Variants in CSMD1 observed in about 807,000 individuals in gnomAD.
CSMD1 encodes CUB and Sushi multiple domains 1, also known as CUB and sushi domain-containing protein 1.
Under a neutral mutation model 417.5 loss-of-function variants are expected in CSMD1, and 213 were observed. That is an observed-to-expected ratio of 0.51 (90% CI 0.46 to 0.57). The LOEUF is 0.57. CSMD1 is among the 20% of genes least tolerant of loss of function. The pLI is 0.00. For synonymous variants in CSMD1, 2,862 were observed against 1,736.8 expected, an observed-to-expected ratio of 1.65 and a Z score of -16.11; for missense variants, 6,923 against 4,529.7, an observed-to-expected ratio of 1.53 and a Z score of -15.17.
chr8:3,772,299 A>G (rs1026033746), intron 5 of CSMD1, among the ~76,000 whole-genome samples: 1 of 144,352 alleles, frequency 6.9e-6, no homozygotes, highest in South Asian at 2.1e-4. Flanking sequence ...ATACATATGT[A>G]CATATATTTA....
intron 11 of CSMD1, among the ~76,000 whole-genome samples, chr8:3,489,429 G>A (rs1342390093): frequency 6.6e-6 from 1 of 152,148 alleles, no homozygotes; most frequent in Non-Finnish European, 1.5e-5. Context: ...GAAATCCCCT[G>A]GTTACCAATG....
At chr8:4,323,933 C>T (rs1301322641) in intron 3 of CSMD1, among the ~76,000 whole-genome samples, 1 of 152,190 alleles carries the variant, frequency 6.6e-6, no homozygotes, top group Non-Finnish European at 1.5e-5. Context: ...GGTGTCCCAG[C>T]AACAGGCATT....
intron 37 of CSMD1, among the ~76,000 whole-genome samples, chr8:3,166,597 T>G (rs1172310094): frequency 6.6e-6 from 1 of 152,118 alleles, no homozygotes; most frequent in Non-Finnish European, 1.5e-5. Context: ...CCTGAAGTGT[T>G]TTAGAAGAAC....
At chr8:4,916,595 T>C (rs145242910) in intron 1 of CSMD1, among the ~76,000 whole-genome samples, 202 of 152,308 alleles carry the variant, frequency 1.3e-3, no homozygotes, top group African/African-American at 4.7e-3. Flanking sequence ...AAGTTGAAAA[T>C]ATCAGATCAT....
intron 3 of CSMD1, among the ~76,000 whole-genome samples, chr8:4,341,622 G>A (rs1309101900): frequency 1.3e-5 from 2 of 152,058 alleles, no homozygotes; most frequent in Non-Finnish European, 2.9e-5. Context: ...TGTAACTTAC[G>A]GAAAAATGTT....
At chr8:4,100,715 A>C (rs905303223) in intron 3 of CSMD1, among the ~76,000 whole-genome samples, 1 of 152,176 alleles carries the variant, frequency 6.6e-6, no homozygotes, top group African/African-American at 2.4e-5. Flanking sequence ...TTTTCCTCAT[A>C]AACTTCCACA....
chr8:4,002,639 C>G (rs188890817), intron 4 of CSMD1, among the ~76,000 whole-genome samples: 178 of 152,294 alleles, frequency 1.2e-3, no homozygotes, highest in African/African-American at 3.7e-3. Flanking sequence ...TCCCACATAT[C>G]GCTAAAGGAT....
rs141152370 is a variant in CSMD1 at position 4,564,505 on chromosome 8, T to C, written c.302+72837A>G. On this transcript the variant is annotated intron_variant, in intron 2 of 69. Transcript: ENST00000635120. ...CACACATTCATTCCATGACATACTT[T>C]ATCTATTATAATTGTGACTCGATGT... Among the ~76,000 whole-genome samples, 1,448 of 152,266 alleles carry C rather than the reference T, an allele frequency of 9.5e-3. 14 individuals are homozygous for C. Among genetic ancestry groups the C allele is most frequent in the Middle Eastern group, 0.017 (5 of 294 alleles).
chr8:3,628,856 C>A (rs1276525241), intron 7 of CSMD1, among the ~76,000 whole-genome samples: 1 of 140,242 alleles, frequency 7.1e-6, no homozygotes, highest in Non-Finnish European at 1.6e-5. Context: ...TCTAGTAACC[C>A]AAATAATCTA....
At chr8:3,844,566 G>C (rs548777272) in intron 5 of CSMD1, among the ~76,000 whole-genome samples, 13 of 152,264 alleles carry the variant, frequency 8.5e-5, no homozygotes, top group African/African-American at 2.9e-4. Flanking sequence ...TTTTAGGAAA[G>C]TAATAACTAG....
At chr8:3,789,408 G>GT (rs35044031) in intron 5 of CSMD1, among the ~76,000 whole-genome samples, 2 of 127,856 alleles carry the variant, frequency 1.6e-5, no homozygotes, top group Admixed American at 7.6e-5. Context: ...TTTTAAGTAA[G>GT]TTTTTTTTTT....
intron 7 of CSMD1, among the ~76,000 whole-genome samples, chr8:3,653,523 G>T (rs1001720790): frequency 6.6e-6 from 1 of 152,092 alleles, no homozygotes; most frequent in Non-Finnish European, 1.5e-5. Flanking sequence ...TGGCCAAGCT[G>T]GTCTCGAACT....
intron 1 of CSMD1, among the ~76,000 whole-genome samples, chr8:4,906,647 C>G (rs1805299829): frequency 6.6e-6 from 1 of 151,924 alleles, no homozygotes; most frequent in Admixed American, 6.6e-5. Context: ...ACCTCCAACT[C>G]CGGGGTTCAA....
At chr8:3,592,442 C>A (rs1800891938) in intron 8 of CSMD1, among the ~76,000 whole-genome samples, 1 of 151,948 alleles carries the variant, frequency 6.6e-6, no homozygotes, top group Non-Finnish European at 1.5e-5. Context: ...GCAGAAAACA[C>A]AAAAATTTGA....
chr8:4,160,135 T>A (rs117891773), intron 3 of CSMD1, among the ~76,000 whole-genome samples: 1,745 of 152,178 alleles, frequency 0.011, 19 homozygotes, highest in Middle Eastern at 0.071. Context: ...ACGTCTTAAT[T>A]CCAAGTATTA....
At chr8:4,397,030 TAA>T (rs539159310) in intron 3 of CSMD1, among the ~76,000 whole-genome samples, 1 of 145,234 alleles carries the variant, frequency 6.9e-6, no homozygotes, top group East Asian at 2.0e-4. Flanking sequence ...CTAATGAAAT[TAA>T]AAAAAAAATA....
At chr8:4,293,142 C>G (rs973137866) in intron 3 of CSMD1, among the ~76,000 whole-genome samples, 2 of 152,156 alleles carry the variant, frequency 1.3e-5, no homozygotes, top group Non-Finnish European at 2.9e-5. Context: ...TTTTGTCCCG[C>G]ACCTGCCCTT....
rs145613880 is a variant in CSMD1, at chr8:4,455,280, C to G, written c.303-35215G>C. ...GTTAAAAAAAATAGGAGAAGGAGAACTTCATGATGGATTCTTGCATCCATT... is the reference window on the plus strand; with the variant it reads ...GTTAAAAAAAATAGGAGAAGGAGAAGTTCATGATGGATTCTTGCATCCATT... On this transcript the variant is annotated intron_variant, in intron 2 of 69. Transcript: ENST00000635120. Among the ~76,000 whole-genome samples the G allele has an allele frequency of 3.7e-4, 56 of 152,268 alleles. 2 individuals are homozygous for G. In the East Asian group the frequency reaches 0.011, roughly 29 times the overall value.
At chr8:3,758,361 C>G (rs897872738) in intron 5 of CSMD1, among the ~76,000 whole-genome samples, 1 of 152,168 alleles carries the variant, frequency 6.6e-6, no homozygotes, top group Non-Finnish European at 1.5e-5. Context: ...AATTGTACCC[C>G]GAAGTCGATT....
Sources: gnomAD v4.1 joint callset for allele counts (sites outside exome capture counted in the v4.1 genomes callset) on GRCh38, gnomAD v4.1.1 for gene constraint, MANE v1.5 for transcripts, NCBI Gene and HGNC (gene_info 2026-07-23, HGNC 2026-07-21) for gene names.